APELA: variants seen among roughly 807,000 people sequenced by gnomAD.
The protein encoded by APELA is apelin receptor early endogenous ligand.
rs1256388170 is a variant in APELA, at chr4:164,884,161, AG to A, written c.*1+5153del. Among the ~76,000 whole-genome samples the A allele has an allele frequency of 3.1e-3, 439 of 142,824 alleles. 3 individuals carry two copies. The highest frequency in any genetic ancestry group is 0.011 in the African/African-American group (415 of 36,794). 93.7% of individuals were successfully genotyped at this position (142,824 alleles called of 152,430 possible). On this transcript the variant is annotated intron_variant, in intron 2 of 2. Coordinates refer to ENST00000507152, the MANE Select transcript of APELA (RefSeq NM_001297550.2). ...AAAGAAAGAAAGAAAGAAAGAAAGG[AG>A]AAGAGAAAGAAAGGAGAGAAGAAAG...
intron 2 of APELA, among the ~76,000 whole-genome samples, chr4:164,887,479 T>C (rs1463817815): frequency 6.6e-6 from 1 of 152,148 alleles, no homozygotes; most frequent in South Asian, 2.1e-4. Context: ...AACACACATA[T>C]ACACATCCAC....
intron 2 of APELA, among the ~76,000 whole-genome samples, chr4:164,892,832 T>C (rs1455729429): frequency 6.6e-6 from 1 of 152,216 alleles, no homozygotes; most frequent in African/African-American, 2.4e-5. Flanking sequence ...TCAGTTTTGG[T>C]AATTTGTGTC....
downstream of APELA, among the ~76,000 whole-genome samples, chr4:164,897,897 T>G (rs1243066056): frequency 6.6e-6 from 1 of 152,256 alleles, no homozygotes; most frequent in Non-Finnish European, 1.5e-5. Context: ...ATTCTTTTAA[T>G]TATCTTTCTT....
intron 2 of APELA, among the ~76,000 whole-genome samples, chr4:164,884,986 G>A (rs1195554309): frequency 6.6e-6 from 1 of 151,914 alleles, no homozygotes; most frequent in Non-Finnish European, 1.5e-5. Flanking sequence ...AGTCCTTAAC[G>A]CCTGGCATTA....
chr4:164,886,166 G>A (rs2111059172), intron 2 of APELA, among the ~76,000 whole-genome samples: 1 of 56,222 alleles, frequency 1.8e-5, no homozygotes, highest in South Asian at 5.9e-4. Flanking sequence ...AATGTGAATG[G>A]CCCAAGAACT....
chr4:164,887,298 CCTT>C (rs1297896537), intron 2 of APELA, among the ~76,000 whole-genome samples: 1 of 152,138 alleles, frequency 6.6e-6, no homozygotes, highest in African/African-American at 2.4e-5. Flanking sequence ...TCTTCCTCTT[CCTT>C]CTTGGTATTA....
chr4:164,888,644 T>A (rs1345048294), intron 2 of APELA, among the ~76,000 whole-genome samples: 2 of 152,190 alleles, frequency 1.3e-5, no homozygotes, highest in Admixed American at 6.5e-5. Flanking sequence ...TCCCAATTTG[T>A]CACCAGTTCA....
At chr4:164,894,619 G>T (rs1449014151) in intron 2 of APELA, among the ~76,000 whole-genome samples, 1 of 151,960 alleles carries the variant, frequency 6.6e-6, no homozygotes, top group Non-Finnish European at 1.5e-5. Flanking sequence ...TGGCCAGGCT[G>T]GTCTCAAACT....
At chr4:164,893,231 T>G (rs1277533584) in intron 2 of APELA, among the ~76,000 whole-genome samples, 1 of 152,172 alleles carries the variant, frequency 6.6e-6, no homozygotes, top group Non-Finnish European at 1.5e-5. Flanking sequence ...TTACTATAGA[T>G]GTTTATAGGT....
chr4:164,898,105 G>A (rs367796221), downstream of APELA, among the ~76,000 whole-genome samples: 8 of 151,846 alleles, frequency 5.3e-5, no homozygotes, highest in Non-Finnish European at 1.0e-4. Context: ...TGGCCAGGCC[G>A]GTCCCGAACT....
At chr4:164,892,771 C>T (rs941462846) in intron 2 of APELA, among the ~76,000 whole-genome samples, 2 of 152,074 alleles carry the variant, frequency 1.3e-5, no homozygotes, top group South Asian at 2.1e-4. Context: ...ATTGCTAATT[C>T]GATCTTTTTT....
At chr4:164,886,936 C>T (rs1730784753) in intron 2 of APELA, among the ~76,000 whole-genome samples, 1 of 152,042 alleles carries the variant, frequency 6.6e-6, no homozygotes, top group African/African-American at 2.4e-5. Flanking sequence ...AGCAGTTCTC[C>T]TGGCTCAGCC....
intron 2 of APELA, among the ~76,000 whole-genome samples, chr4:164,892,935 A>G (rs1730910222): frequency 6.6e-6 from 1 of 152,024 alleles, no homozygotes; most frequent in Admixed American, 6.6e-5. Flanking sequence ...TTGTTTCTGT[A>G]AGGTTAGTAG....
At chr4:164,889,468 C>T (rs527344216) in intron 2 of APELA, among the ~76,000 whole-genome samples, 68 of 152,156 alleles carry the variant, frequency 4.5e-4, no homozygotes, top group African/African-American at 1.3e-3. Flanking sequence ...CATATATACA[C>T]ATTATTTAAA....
At position 164,896,100 on chromosome 4, in the gene APELA, TG is replaced by T. The variant is rs1272195298; in HGVS notation, c.*687del. The T allele has an allele frequency of 1.3e-5, 2 of 152,218 alleles. No homozygotes were observed. Among genetic ancestry groups the T allele is most frequent in the East Asian group, 1.9e-4 (1 of 5,198 alleles). The allele number at this position is 152,218 out of a possible 1,614,324, so 9.4% of individuals were successfully genotyped here. A position where few individuals can be genotyped will look rare whatever the true frequency, so the allele number is the denominator to read the frequency against. ...TATGTTCAAATGAAACCATTGTTTT[TG>T]TTTTTGTTTTGAAACAGAGTCTCAC... On this transcript the variant is annotated 3_prime_UTR_variant, in exon 3 of 3. Transcript: ENST00000507152.
intron 2 of APELA, among the ~76,000 whole-genome samples, chr4:164,880,362 T>A (rs1257107118): frequency 6.6e-6 from 1 of 152,220 alleles, no homozygotes; most frequent in Non-Finnish European, 1.5e-5. Flanking sequence ...TATGTCTATA[T>A]CTGTAACAAA....
chr4:164,878,196 A>AAAAAGAAAGAAAGAAAGAAAGAAAGAAAG (rs1553970692), intron 1 of APELA, among the ~76,000 whole-genome samples: 13 of 143,476 alleles, frequency 9.1e-5, no homozygotes, highest in African/African-American at 3.4e-4. Context: ...AGAAACAGAA[A>AAAAAGAAAGAAAGAAAGAAAGAAAGAAAG]AAAGAAAGAA....
In APELA at chr4:164,897,249, T is replaced by G. The variant is rs1730995474; in HGVS notation, c.*1835T>G. The G allele has an allele frequency of 6.6e-6, 1 of 152,238 alleles. No homozygotes were observed. The highest frequency in any genetic ancestry group is 2.1e-4 in the South Asian group (1 of 4,838). 9.4% of individuals were successfully genotyped at this position (152,238 alleles called of 1,614,324 possible). Reference sequence around the variant, plus strand: ...TTCCTGTCAAAGCTTATTAAAAGTGTCTTTGCGGATGAATGGTACTTTCCA... The same window carrying G: ...TTCCTGTCAAAGCTTATTAAAAGTGGCTTTGCGGATGAATGGTACTTTCCA... On this transcript the variant is annotated 3_prime_UTR_variant, in exon 3 of 3. Transcript: ENST00000507152.
rs11404085 is a variant in APELA at position 164,878,196 on chromosome 4, AAAAGAAAG to A, written c.77-704_77-697del. Among the ~76,000 whole-genome samples, 21 of 143,476 alleles carry A rather than the reference AAAAGAAAG, an allele frequency of 1.5e-4. No homozygotes were observed. In the East Asian group the frequency reaches 2.8e-3, roughly 19 times the overall value. The allele number at this position is 143,476 out of a possible 152,430, so 94.1% of individuals were successfully genotyped here. A position where few individuals can be genotyped will look rare whatever the true frequency, so the allele number is the denominator to read the frequency against. ...GAAAGAAAGAAAGAAAGAAACAGAA[AAAAGAAAG>A]AAAGAAAGAAAGAAAGAAATTAGAA... On this transcript the variant is annotated intron_variant, in intron 1 of 2. Transcript: ENST00000507152.
Sources: allele counts gnomAD v4.1 joint callset (sites outside exome capture counted in the v4.1 genomes callset), GRCh38; gene constraint gnomAD v4.1.1; transcripts MANE v1.5; gene names NCBI Gene and HGNC (gene_info 2026-07-23, HGNC 2026-07-21).